Variants in XPNPEP3 observed in about 807,000 individuals in gnomAD.
XPNPEP3 encodes X-prolyl aminopeptidase 3.
XPNPEP3 carries 41 observed loss-of-function variants against 60.0 expected under a neutral mutation model. That is an observed-to-expected ratio of 0.68 (90% CI 0.53 to 0.89). The LOEUF is 0.89. XPNPEP3 is among the 40% of genes least tolerant of loss of function. The pLI is 0.00. For missense variants in XPNPEP3, 598 were observed against 638.9 expected, an observed-to-expected ratio of 0.94 and a Z score of 0.69; for synonymous variants, 212 against 223.2, an observed-to-expected ratio of 0.95 and a Z score of 0.45.
rs2058242343 is a variant in XPNPEP3 at position 40,928,219 on chromosome 22, T to TTTG, written c.*1784_*1785insTTG. On this transcript the variant is annotated 3_prime_UTR_variant, in exon 10 of 10. Coordinates refer to ENST00000357137, the MANE Select transcript of XPNPEP3 (RefSeq NM_022098.4). Reference sequence around the variant, plus strand: ...CATACTTCTTTTTTTTTTTTTTTTTTGGAGACAGAGTCTCGCTCTGTCGCC... The same window carrying TTTG: ...CATACTTCTTTTTTTTTTTTTTTTTTTTGGGAGACAGAGTCTCGCTCTGTCGCC... 6.8e-6 allele frequency: 1 copy of TTTG among 147,468 alleles called. No homozygotes were observed. The highest frequency in any genetic ancestry group is 6.7e-5 in the Admixed American group (1 of 14,966). 9.1% of individuals were successfully genotyped at this position (147,468 alleles called of 1,614,324 possible).
intron 1 of XPNPEP3, chr22:40,862,063 G>A (rs1283512447): frequency 6.6e-7 from 1 of 1,525,292 alleles, no homozygotes; most frequent in Admixed American, 2.3e-5. Flanking sequence ...CTCAGGCTCT[G>A]CTGGTGGTGG....
intron 1 of XPNPEP3, among the ~76,000 whole-genome samples, chr22:40,864,672 C>T (rs965010260): frequency 2.0e-5 from 3 of 152,080 alleles, no homozygotes; most frequent in Admixed American, 6.5e-5. Flanking sequence ...CTCGAACTCC[C>T]AACCTCAGGT....
intron 4 of XPNPEP3, among the ~76,000 whole-genome samples, chr22:40,900,177 C>T (rs1458545270): frequency 6.6e-6 from 1 of 151,764 alleles, no homozygotes; most frequent in Admixed American, 6.6e-5. Flanking sequence ...CTTAGATTTG[C>T]CAAAGGATTC....
intron 4 of XPNPEP3, among the ~76,000 whole-genome samples, chr22:40,898,592 A>G (rs1358888038): frequency 6.6e-6 from 1 of 152,162 alleles, no homozygotes; most frequent in South Asian, 2.1e-4. Flanking sequence ...GTATAAACTA[A>G]GGGTCTAACC....
chr22:40,914,157 A>G lies in XPNPEP3; in HGVS notation c.970-82A>G, dbSNP rs945751299. On this transcript the variant is annotated intron_variant, in intron 6 of 9. Transcript: ENST00000357137. The stretch of plus-strand genomic sequence containing the variant: ...AACTCCGTCTCAGAAAAAAAAAAAA[A>G]AAAGAAAGGCATACTTTGGATTACT... 5 of 1,270,290 alleles carry G rather than the reference A, an allele frequency of 3.9e-6. No individual in the cohort carries two copies. The African/African-American group carries it at 4.5e-5, about 11-fold the overall frequency. The allele number at this position is 1,270,290 out of a possible 1,614,324, so 78.7% of individuals were successfully genotyped here. A position where few individuals can be genotyped will look rare whatever the true frequency, so the allele number is the denominator to read the frequency against.
intron 4 of XPNPEP3, among the ~76,000 whole-genome samples, chr22:40,906,696 C>T (rs890275082): frequency 1.3e-5 from 2 of 152,164 alleles, no homozygotes; most frequent in African/African-American, 2.4e-5. Context: ...TAATTTCATA[C>T]ATGGGGCTAT....
chr22:40,868,967 G>T, intron 1 of XPNPEP3, 32 bp from the exon 2 acceptor site: 1 of 1,552,262 alleles, frequency 6.4e-7, no homozygotes, highest in Non-Finnish European at 8.9e-7. Context: ...TAGATCTATT[G>T]TTTCATTTCA....
At chr22:40,858,331 T>C (rs891096098) in intron 1 of XPNPEP3, among the ~76,000 whole-genome samples, 1 of 151,734 alleles carries the variant, frequency 6.6e-6, no homozygotes, top group African/African-American at 2.4e-5. Context: ...GATCTCGAAC[T>C]CCTGGCCTCA....
In XPNPEP3 at chr22:40,886,425, G is replaced by C; in HGVS notation, c.702G>C (p.Arg234=). The C allele has an allele frequency of 6.2e-7, 1 of 1,614,182 alleles. No individual in the cohort carries two copies. The highest frequency in any genetic ancestry group is 8.5e-7 in the Non-Finnish European group (1 of 1,180,046). ...AAGCCAAGAGCAAGAACAAGGTTCG[G>C]GGTGTTCAGCAGCTGATACAGCGCC... ...EAKAKSKNKV[R]GVQQLIQRLR... Residue 234 remains arginine, a synonymous_variant, in exon 4 of 10, where the codon CGG becomes CGC. Coordinates refer to ENST00000357137, the MANE Select transcript of XPNPEP3 (RefSeq NM_022098.4).
intron 2 of XPNPEP3, among the ~76,000 whole-genome samples, chr22:40,874,780 A>C (rs2058021292): frequency 6.6e-6 from 1 of 152,082 alleles, no homozygotes; most frequent in African/African-American, 2.4e-5. Flanking sequence ...CCACTAACCT[A>C]GTGGGTACTC....
At position 40,931,088 on chromosome 22, in the gene XPNPEP3, C is replaced by A. The variant is rs1201079993; in HGVS notation, c.*4653C>A. ...GGTCTTGATCTCCTGACCTCGTGATCTGCCCACTTTGGCCTCCCAAAGTGC... is the reference window on the plus strand; with the variant it reads ...GGTCTTGATCTCCTGACCTCGTGATATGCCCACTTTGGCCTCCCAAAGTGC... On this transcript the variant is annotated 3_prime_UTR_variant, in exon 10 of 10. Transcript: ENST00000357137. The A allele has an allele frequency of 2.0e-5, 3 of 152,328 alleles. No homozygotes were observed. The highest frequency in any genetic ancestry group is 4.4e-5 in the Non-Finnish European group (3 of 68,166). The allele number at this position is 152,328 out of a possible 1,614,324, so 9.4% of individuals were successfully genotyped here.
intron 2 of XPNPEP3, 40 bp from the exon 3 acceptor site, chr22:40,881,730 T>C (rs2058048761): frequency 6.2e-7 from 1 of 1,610,840 alleles, no homozygotes; most frequent in Admixed American, 1.7e-5. Flanking sequence ...ACTTTGGCAC[T>C]GCAGAAATGT....
intron 4 of XPNPEP3, among the ~76,000 whole-genome samples, chr22:40,898,639 A>C (rs1021380730): frequency 6.6e-6 from 1 of 152,032 alleles, no homozygotes; most frequent in African/African-American, 2.4e-5. Context: ...TCTTGATTTT[A>C]TTTCTTTTAT....
intron 2 of XPNPEP3, among the ~76,000 whole-genome samples, chr22:40,872,357 C>A (rs564003620): frequency 4.6e-5 from 7 of 152,054 alleles, no homozygotes; most frequent in African/African-American, 1.7e-4. Flanking sequence ...AAATGTTGGT[C>A]AGTCTCTTTG....
At chr22:40,907,907 T>C (rs1459678306) in intron 5 of XPNPEP3, among the ~76,000 whole-genome samples, 1 of 152,088 alleles carries the variant, frequency 6.6e-6, no homozygotes, top group Non-Finnish European at 1.5e-5. Context: ...TAATACTGTT[T>C]AGGTCAATGT....
At chr22:40,885,756 G>A (rs184864966) in intron 3 of XPNPEP3, among the ~76,000 whole-genome samples, 6 of 152,266 alleles carry the variant, frequency 3.9e-5, no homozygotes, top group Non-Finnish European at 8.8e-5. Context: ...AGACTGAGGC[G>A]GGTGGATCAC....
At position 40,886,436 on chromosome 22, in the gene XPNPEP3, A is replaced by C; in HGVS notation, c.713A>C (p.Gln238Pro). The change falls in exon 4 of 10, where the codon CAG (glutamine) becomes CCG (proline). Residue 238 changes from glutamine (Q) to proline (P), a missense_variant. Physicochemically the swap from Gln to Pro is moderately conservative, Grantham distance 76. Coordinates refer to ENST00000357137, the MANE Select transcript of XPNPEP3 (RefSeq NM_022098.4). Reference protein sequence around the residue: ...KSKNKVRGVQQLIQRLRLIKS... With the variant: ...KSKNKVRGVQPLIQRLRLIKS... The stretch of plus-strand genomic sequence containing the variant: ...AAGAACAAGGTTCGGGGTGTTCAGC[A>C]GCTGATACAGCGCCTCCGGCTGATC... 2 of 1,614,202 alleles carry C rather than the reference A, an allele frequency of 1.2e-6. No individual in the cohort carries two copies. Among genetic ancestry groups the C allele is most frequent in the Non-Finnish European group, 1.7e-6 (2 of 1,180,040 alleles).
At chr22:40,915,355 A>C (rs1240622820) in intron 7 of XPNPEP3, among the ~76,000 whole-genome samples, 1 of 152,092 alleles carries the variant, frequency 6.6e-6, no homozygotes, top group Non-Finnish European at 1.5e-5. Flanking sequence ...CAGGCAGAGC[A>C]CCTGAGGTCA....
At chr22:40,863,426 C>G (rs2057962040) in intron 1 of XPNPEP3, among the ~76,000 whole-genome samples, 1 of 152,090 alleles carries the variant, frequency 6.6e-6, no homozygotes, top group Admixed American at 6.6e-5. Flanking sequence ...ATTTTATTTT[C>G]CATCACATTT....
Sources: gnomAD v4.1 joint callset for allele counts (sites outside exome capture counted in the v4.1 genomes callset) on GRCh38, gnomAD v4.1.1 for gene constraint, MANE v1.5 for transcripts, NCBI Gene and HGNC (gene_info 2026-07-23, HGNC 2026-07-21) for gene names.